Variants in GPR174 observed in about 807,000 individuals in gnomAD.
GPR174 encodes probable G protein-coupled receptor 174.
GPR174 carries 8 observed loss-of-function variants against 16.5 expected under a neutral mutation model. The observed-to-expected ratio is 0.48, with a 90% CI of 0.28 to 0.87. The LOEUF (loss-of-function observed/expected upper bound fraction) is 0.87. Among genes scored for constraint, GPR174 ranks in the 40% least tolerant of loss-of-function variants. The probability of loss-of-function intolerance (pLI) is 0.09; values close to 1 mark genes in which losing one functional copy is unlikely to be tolerated. For synonymous variants in GPR174, 111 were observed against 94.8 expected (o/e 1.17, Z -0.99); for missense variants, 214 against 247.5 (o/e 0.86, Z 0.91).
chrX:79,150,827 G>A (rs760645444), intron 1 of GPR174, among the ~76,000 whole-genome samples: 1 of 111,195 alleles, frequency 9.0e-6, no homozygotes, highest in Non-Finnish European at 1.9e-5. Context: ...CACATCTCCG[G>A]GAGTTCAGTC....
chrX:79,171,654 A>C lies in GPR174; in HGVS notation c.647A>C (p.Tyr216Ser). The C allele has an allele frequency of 8.3e-7, 1 of 1,211,420 alleles. No homozygotes were observed. Among genetic ancestry groups the C allele is most frequent in the Non-Finnish European group, 1.1e-6 (1 of 895,341 alleles). ...ACGGTTTTATCACTGCAAGATAAAT[A>C]TCCCATGGCCCAAGATCTTGGAGAG... is the stretch of plus-strand genomic sequence containing the variant. ...WKTVLSLQDKYPMAQDLGEKQ... is the reference protein window; with the variant it reads ...WKTVLSLQDKSPMAQDLGEKQ... Residue 216 changes from tyrosine to serine, a missense_variant, in exon 3 of 3, where the codon TAT becomes TCT. Transcript: ENST00000645147.
intron 1 of GPR174, among the ~76,000 whole-genome samples, chrX:79,153,900 C>T (rs1200363156): frequency 9.0e-6 from 1 of 111,642 alleles, no homozygotes; most frequent in Non-Finnish European, 1.9e-5. Context: ...CTTTGGGCCT[C>T]AGTTACCTTG....
At chrX:79,169,318 C>G (rs1921453539) in intron 2 of GPR174, among the ~76,000 whole-genome samples, 1 of 111,638 alleles carries the variant, frequency 9.0e-6, no homozygotes, top group South Asian at 3.7e-4. Context: ...AAAGGACAAT[C>G]TCAAAGAAAA....
intron 2 of GPR174, among the ~76,000 whole-genome samples, chrX:79,165,087 T>G (rs1291343823): frequency 9.0e-6 from 1 of 111,346 alleles, no homozygotes; most frequent in Non-Finnish European, 1.9e-5. Context: ...TTACTTGTAT[T>G]TTAATATTTA....
intron 2 of GPR174, among the ~76,000 whole-genome samples, chrX:79,169,557 C>T (rs772483057): frequency 3.6e-5 from 4 of 111,585 alleles, no homozygotes; most frequent in Non-Finnish European, 7.5e-5. Flanking sequence ...GGCTCAATGA[C>T]GCACACTTCA....
chrX:79,162,966 A>T (rs1475194421), intron 2 of GPR174, among the ~76,000 whole-genome samples: 1 of 111,898 alleles, frequency 8.9e-6, no homozygotes, highest in African/African-American at 3.3e-5. Flanking sequence ...GGGAAGCTGG[A>T]AAATAAGGAT....
At chrX:79,159,604 G>A (rs1346499573) in intron 2 of GPR174, among the ~76,000 whole-genome samples, 1 of 111,727 alleles carries the variant, frequency 9.0e-6, no homozygotes, top group African/African-American at 3.3e-5. Context: ...TAAATAACCT[G>A]CCCAAAGCCT....
At chrX:79,150,090 A>G (rs1164063001) in intron 1 of GPR174, among the ~76,000 whole-genome samples, 1 of 111,730 alleles carries the variant, frequency 9.0e-6, no homozygotes, top group Non-Finnish European at 1.9e-5. Flanking sequence ...TCTGGGAATC[A>G]TTAAATTTGA....
At chrX:79,158,873 A>G (rs1476998544) in intron 2 of GPR174, among the ~76,000 whole-genome samples, 2 of 108,767 alleles carry the variant, frequency 1.8e-5, no homozygotes, top group East Asian at 5.7e-4. Context: ...TGTACATTAT[A>G]AAGTAATGTA....
At chrX:79,167,005 C>T (rs948307955) in intron 2 of GPR174, among the ~76,000 whole-genome samples, 1 of 111,408 alleles carries the variant, frequency 9.0e-6, no homozygotes, top group Non-Finnish European at 1.9e-5. Context: ...TCACAAAAAC[C>T]TCATGAAGAA....
intron 1 of GPR174, among the ~76,000 whole-genome samples, chrX:79,155,217 C>T (rs940475056): frequency 1.8e-5 from 2 of 111,455 alleles, no homozygotes; most frequent in Non-Finnish European, 3.8e-5. Flanking sequence ...ATTCTGTTTT[C>T]ACAAACAACA....
chrX:79,168,337 TGATGGGATGGTTTCTGGACAGG>T (rs1921425416), intron 2 of GPR174, among the ~76,000 whole-genome samples: 1 of 111,549 alleles, frequency 9.0e-6, no homozygotes, highest in Non-Finnish European at 1.9e-5. Flanking sequence ...TTATTACCTG[TGATGGGATGGTTTCTGGACAGG>T]GCTTCACACC....
chrX:79,158,742 G>C (rs1298715937), intron 2 of GPR174, among the ~76,000 whole-genome samples: 1 of 103,538 alleles, frequency 9.7e-6, no homozygotes, highest in Non-Finnish European at 2.0e-5. Flanking sequence ...GCACCCAGCC[G>C]ACAGTGGCAT....
At chrX:79,147,531 A>C (rs904980385) in intron 1 of GPR174, among the ~76,000 whole-genome samples, 2 of 102,984 alleles carry the variant, frequency 1.9e-5, no homozygotes, top group African/African-American at 7.1e-5. Flanking sequence ...CCCAAAGTGC[A>C]AACTGATACT....
rs1401466946 is a variant in GPR174 at position 79,171,856 on chromosome X, G to A, written c.849G>A (p.Leu283=). The A allele has an allele frequency of 1.7e-6, 2 of 1,211,266 alleles. No individual in the cohort carries two copies. Among genetic ancestry groups the A allele is most frequent in the South Asian group, 3.5e-5 (2 of 56,915 alleles). The part of the protein sequence containing the change: ...FHSVALCLAS[L]NSCLDPVIYY... ...CTGTGGCATTGTGTCTTGCTAGTCT[G>A]AATTCATGTCTTGACCCAGTCATAT... Residue 283 remains leucine (L), a synonymous_variant, in exon 3 of 3, where the codon CTG becomes CTA. Coordinates refer to ENST00000645147, the MANE Select transcript of GPR174 (RefSeq NM_032553.3).
chrX:79,158,778 TA>T (rs61641762), intron 2 of GPR174, among the ~76,000 whole-genome samples: 13,609 of 79,996 alleles, frequency 0.17, 894 homozygotes, highest in East Asian at 0.35. Flanking sequence ...AGTTAATGAG[TA>T]AAAAAAAAAA....
intron 1 of GPR174, among the ~76,000 whole-genome samples, chrX:79,149,100 G>T (rs1007791369): frequency 1.8e-5 from 2 of 111,254 alleles, no homozygotes; most frequent in African/African-American, 6.5e-5. Flanking sequence ...TGAGATGAAA[G>T]AGCCCACAGA....
chrX:79,153,764 A>C (rs1921032344), intron 1 of GPR174, among the ~76,000 whole-genome samples: 1 of 111,726 alleles, frequency 9.0e-6, no homozygotes, highest in Admixed American at 9.5e-5. Context: ...CATAGTATAG[A>C]ATGTGTAGTA....
chrX:79,163,452 C>T (rs968418988), intron 2 of GPR174, among the ~76,000 whole-genome samples: 6 of 111,598 alleles, frequency 5.4e-5, no homozygotes, highest in African/African-American at 2.0e-4. Flanking sequence ...GAATGGAAGT[C>T]CATAGTCTTT....
Sources: allele counts gnomAD v4.1 joint callset (sites outside exome capture counted in the v4.1 genomes callset), GRCh38; gene constraint gnomAD v4.1.1; transcripts MANE v1.5; gene names NCBI Gene and HGNC (gene_info 2026-07-23, HGNC 2026-07-21).